Variants in ADAM23 observed in about 807,000 individuals in gnomAD.
ADAM23 encodes ADAM metallopeptidase domain 23, also known as disintegrin and metalloproteinase domain-containing protein 23.
ADAM23 carries 33 observed loss-of-function variants against 120.1 expected under a neutral mutation model. That is an observed-to-expected ratio of 0.27 (90% CI 0.21 to 0.37). The LOEUF is 0.37. Ranked by LOEUF, ADAM23 falls within the 10% of genes least tolerant of loss-of-function variation. The pLI, the probability that ADAM23 is intolerant of heterozygous loss-of-function variation, is 1.00. For missense variants in ADAM23, 862 were observed against 1,058.2 expected (o/e 0.81, Z 2.57); for synonymous variants, 367 against 375.2 (o/e 0.98, Z 0.25).
At chr2:206,534,191 A>G (rs76950875) in intron 4 of ADAM23, among the ~76,000 whole-genome samples, 12,832 of 152,218 alleles carry the variant, frequency 0.084, 774 homozygotes, top group Admixed American at 0.18. Context: ...TTTACCAACC[A>G]TAGGTAACCA....
chr2:206,611,612 T>C (rs1235815998), intron 25 of ADAM23, among the ~76,000 whole-genome samples: 1 of 152,222 alleles, frequency 6.6e-6, no homozygotes, highest in African/African-American at 2.4e-5. Context: ...TTCAAAGGCC[T>C]GGAAAACAGT....
chr2:206,446,818 G>A (rs1430576461), intron 2 of ADAM23, among the ~76,000 whole-genome samples: 1 of 151,944 alleles, frequency 6.6e-6, no homozygotes, highest in Non-Finnish European at 1.5e-5. Flanking sequence ...AACTTAATGG[G>A]GTGACTAATA....
At chr2:206,460,965 A>G (rs1695405062) in intron 2 of ADAM23, among the ~76,000 whole-genome samples, 1 of 151,714 alleles carries the variant, frequency 6.6e-6, no homozygotes, top group Non-Finnish European at 1.5e-5. Flanking sequence ...GTGGATGTCT[A>G]GTTTTCACAA....
chr2:206,564,853 T>A (rs1319561702), intron 13 of ADAM23, among the ~76,000 whole-genome samples, 167 bp from the exon 14 acceptor site: 5 of 152,250 alleles, frequency 3.3e-5, no homozygotes, highest in Non-Finnish European at 7.3e-5. Context: ...GATAAGGAAC[T>A]ATTGATTTAA....
chr2:206,470,075 A>G (rs1695622354), intron 2 of ADAM23, among the ~76,000 whole-genome samples: 2 of 152,154 alleles, frequency 1.3e-5, no homozygotes, highest in South Asian at 4.2e-4. Flanking sequence ...GCCATCCCCC[A>G]CAAAACACAC....
At position 206,619,165 on chromosome 2, in the gene ADAM23, A is replaced by G. The variant is rs1236047828; in HGVS notation, c.*1538A>G. On this transcript the variant is annotated 3_prime_UTR_variant, in exon 26 of 26. Transcript: ENST00000264377. ...GCTTTTATGCTGTGCTGTGCTTTCA[A>G]GAAACCTTGTTTGACCTCTGGCATT... 3 of 152,210 alleles carry G rather than the reference A, an allele frequency of 2.0e-5. No individual in the cohort carries two copies. The highest frequency in any genetic ancestry group is 7.2e-5 in the African/African-American group (3 of 41,448). The allele number at this position is 152,210 out of a possible 1,614,324, so 9.4% of individuals were successfully genotyped here.
intron 3 of ADAM23, among the ~76,000 whole-genome samples, chr2:206,524,716 G>A (rs555171234): frequency 6.6e-6 from 1 of 152,280 alleles, no homozygotes; most frequent in African/African-American, 2.4e-5. Flanking sequence ...TCACTACCAT[G>A]AGAACAGTAT....
chr2:206,584,126 C>G (rs1029971065), intron 18 of ADAM23, among the ~76,000 whole-genome samples: 1 of 152,138 alleles, frequency 6.6e-6, no homozygotes, highest in African/African-American at 2.4e-5. Flanking sequence ...ATTGTTGTCT[C>G]CCTTCTGTGT....
Position 206,619,609 on chromosome 2 carries a change from AG to A in ADAM23, c.*1983del, listed in dbSNP as rs1699004561. On this transcript the variant is annotated 3_prime_UTR_variant, in exon 26 of 26. Coordinates refer to ENST00000264377, the MANE Select transcript of ADAM23 (RefSeq NM_003812.4). Reference sequence around the variant, plus strand: ...TAGGTTTAGCTCCTGGTCCCTTTTCAGCAAGATTCATGTTATCCGTCTTACA... The same window carrying A: ...TAGGTTTAGCTCCTGGTCCCTTTTCACAAGATTCATGTTATCCGTCTTACA... The A allele has an allele frequency of 6.6e-6, 1 of 151,790 alleles. No individual in the cohort carries two copies. Among genetic ancestry groups the A allele is most frequent in the Non-Finnish European group, 1.5e-5 (1 of 68,002 alleles). 9.4% of individuals were successfully genotyped at this position (151,790 alleles called of 1,614,324 possible). A position where few individuals can be genotyped will look rare whatever the true frequency, so the allele number is the denominator to read the frequency against.
intron 2 of ADAM23, among the ~76,000 whole-genome samples, chr2:206,454,077 C>T (rs1695247084): frequency 6.6e-6 from 1 of 152,140 alleles, no homozygotes; most frequent in African/African-American, 2.4e-5. Context: ...ACCAGTGAAC[C>T]AAAGTGTAAA....
chr2:206,473,599 T>TAACAAC (rs1553548021), intron 2 of ADAM23, among the ~76,000 whole-genome samples: 53 of 148,556 alleles, frequency 3.6e-4, no homozygotes, highest in African/African-American at 1.1e-3. Context: ...ATAATAATAA[T>TAACAAC]AACAACAACA....
chr2:206,505,533 G>A (rs996956362), intron 3 of ADAM23, among the ~76,000 whole-genome samples: 1 of 152,158 alleles, frequency 6.6e-6, no homozygotes, highest in African/African-American at 2.4e-5. Flanking sequence ...GGAAGGTGAG[G>A]GGAAGCAGGC....
At chr2:206,453,242 T>C (rs1334731034) in intron 2 of ADAM23, among the ~76,000 whole-genome samples, 3 of 152,206 alleles carry the variant, frequency 2.0e-5, no homozygotes, top group African/African-American at 7.2e-5. Context: ...GGGCTAGTTA[T>C]AGAAAACCCC....
chr2:206,492,205 A>G (rs780281789), intron 3 of ADAM23, among the ~76,000 whole-genome samples: 1 of 152,186 alleles, frequency 6.6e-6, no homozygotes, highest in African/African-American at 2.4e-5. Context: ...AGAGGTAGAA[A>G]TGGATAACAA....
chr2:206,542,170 C>A lies in ADAM23; in HGVS notation c.656+36C>A, dbSNP rs377435335. On this transcript the variant is annotated intron_variant, in intron 5 of 25. Coordinates refer to ENST00000264377, the MANE Select transcript of ADAM23 (RefSeq NM_003812.4). ...ATCTCATTGGCATTTTATTCATTGA[C>A]CCTTTCCAGTTTCCCTTTTATGGAT... is the stretch of plus-strand genomic sequence containing the variant. 140 of 1,587,626 alleles carry A rather than the reference C, an allele frequency of 8.8e-5. 1 individual carries two copies. Among genetic ancestry groups the A allele is most frequent in the Non-Finnish European group, 1.1e-4 (130 of 1,155,950 alleles).
chr2:206,494,766 G>A (rs920962794), intron 3 of ADAM23, among the ~76,000 whole-genome samples: 1 of 152,104 alleles, frequency 6.6e-6, no homozygotes, highest in African/African-American at 2.4e-5. Flanking sequence ...AGTTTTATAA[G>A]CTGCAAAAAT....
intron 3 of ADAM23, among the ~76,000 whole-genome samples, chr2:206,507,855 C>T (rs566180537): frequency 4.6e-5 from 7 of 151,934 alleles, no homozygotes; most frequent in Non-Finnish European, 7.4e-5. Flanking sequence ...TATTTTAGCC[C>T]GTAAATTTAT....
intron 24 of ADAM23, chr2:206,606,945 C>T (rs1438901418): frequency 2.0e-5 from 3 of 152,110 alleles, no homozygotes; most frequent in Non-Finnish European, 2.9e-5. Context: ...AAATCATGGG[C>T]TTATTGTGAA....
At chr2:206,571,110 T>A (rs937304348) in intron 16 of ADAM23, among the ~76,000 whole-genome samples, 3 of 152,240 alleles carry the variant, frequency 2.0e-5, no homozygotes, top group Non-Finnish European at 2.9e-5. Flanking sequence ...TGTATATTAT[T>A]TTTATCTTTA....
Sources: gnomAD v4.1 joint callset for allele counts (sites outside exome capture counted in the v4.1 genomes callset) on GRCh38, gnomAD v4.1.1 for gene constraint, MANE v1.5 for transcripts, NCBI Gene and HGNC (gene_info 2026-07-23, HGNC 2026-07-21) for gene names.